C1orf21: variants seen among roughly 807,000 people sequenced by gnomAD.
C1orf21 encodes the protein chromosome 1 open reading frame 21.
Under a neutral mutation model 18.7 loss-of-function variants are expected in C1orf21, and 3 were observed. The observed-to-expected ratio is 0.16, with a 90% CI of 0.07 to 0.42. The LOEUF is 0.42. C1orf21 is among the 10% of genes least tolerant of loss of function. The probability of loss-of-function intolerance (pLI) is 0.99; values close to 1 mark genes in which losing one functional copy is unlikely to be tolerated. For synonymous variants in C1orf21, 41 were observed against 46.4 expected (o/e 0.88, Z 0.47); for missense variants, 104 against 143.6 (o/e 0.72, Z 1.41).
chr1:184,436,537 G>A (rs1015523408), intron 1 of C1orf21, among the ~76,000 whole-genome samples: 9 of 151,976 alleles, frequency 5.9e-5, no homozygotes, highest in African/African-American at 1.7e-4. Context: ...GCCCCCAGGA[G>A]CCCTTGACAT....
intron 3 of C1orf21, among the ~76,000 whole-genome samples, chr1:184,561,974 A>G (rs1327359136): frequency 6.6e-6 from 1 of 151,670 alleles, no homozygotes; most frequent in Non-Finnish European, 1.5e-5. Flanking sequence ...AAAATTATCT[A>G]AGATCATTTT....
At chr1:184,449,676 A>G (rs1657091546) in intron 1 of C1orf21, among the ~76,000 whole-genome samples, 1 of 152,192 alleles carries the variant, frequency 6.6e-6, no homozygotes, top group Non-Finnish European at 1.5e-5. Flanking sequence ...CAGGAAATAT[A>G]ATTTAAGTCT....
intron 1 of C1orf21, among the ~76,000 whole-genome samples, chr1:184,399,501 T>C (rs1656115631): frequency 1.3e-5 from 2 of 151,920 alleles, no homozygotes; most frequent in South Asian, 2.1e-4. Flanking sequence ...TAGCTGGGAC[T>C]ATAGGTGTAT....
chr1:184,551,861 G>A (rs1042359335), intron 3 of C1orf21, among the ~76,000 whole-genome samples: 3 of 151,768 alleles, frequency 2.0e-5, no homozygotes, highest in African/African-American at 4.8e-5. Flanking sequence ...AAAATTAGCC[G>A]GGTGTGGTGG....
At chr1:184,463,068 G>A (rs1468743333) in intron 1 of C1orf21, among the ~76,000 whole-genome samples, 1 of 129,118 alleles carries the variant, frequency 7.7e-6, no homozygotes, top group African/African-American at 3.1e-5. Flanking sequence ...GGCGACACGA[G>A]CAAGACTCCA....
chr1:184,536,283 G>A (rs1658552019), intron 3 of C1orf21, among the ~76,000 whole-genome samples: 1 of 152,150 alleles, frequency 6.6e-6, no homozygotes, highest in Non-Finnish European at 1.5e-5. Flanking sequence ...AGAGCTGGGT[G>A]GGAACTTCAT....
At position 184,551,244 on chromosome 1, in the gene C1orf21, T is replaced by A. The variant is rs540182764; in HGVS notation, c.190-39495T>A. Among the ~76,000 whole-genome samples, 4 of 152,256 alleles carry A rather than the reference T, an allele frequency of 2.6e-5. No homozygotes were observed. The East Asian group carries it at 7.7e-4, about 29-fold the overall frequency. On this transcript the variant is annotated intron_variant, in intron 3 of 5. Coordinates refer to ENST00000235307, the MANE Select transcript of C1orf21 (RefSeq NM_030806.4). ...GAACTATGTGTGTATTTTTTTTAAA[T>A]CATGTTTTTAAAAAATCCAGGAGAA... is the stretch of plus-strand genomic sequence containing the variant.
At chr1:184,529,441 A>T (rs911812664) in intron 3 of C1orf21, among the ~76,000 whole-genome samples, 1 of 152,224 alleles carries the variant, frequency 6.6e-6, no homozygotes, top group Non-Finnish European at 1.5e-5. Context: ...AGAACAATCA[A>T]ACTTCTTGGC....
intron 3 of C1orf21, among the ~76,000 whole-genome samples, chr1:184,524,930 A>T (rs1034980939): frequency 2.6e-5 from 4 of 152,136 alleles, no homozygotes; most frequent in African/African-American, 4.8e-5. Flanking sequence ...ATATTTTCAT[A>T]GCTTACTTCT....
intron 1 of C1orf21, among the ~76,000 whole-genome samples, chr1:184,407,332 G>A (rs1270172574): frequency 6.6e-6 from 1 of 152,046 alleles, no homozygotes; most frequent in Non-Finnish European, 1.5e-5. Context: ...ACTAACTGTG[G>A]CTAAAACATT....
intron 1 of C1orf21, among the ~76,000 whole-genome samples, chr1:184,388,898 C>T (rs2102054876): frequency 6.6e-6 from 1 of 152,076 alleles, no homozygotes. Context: ...TGGAGTTTTC[C>T]CCCCTTTTTC....
chr1:184,568,404 C>T (rs1319986059), intron 3 of C1orf21: 1 of 469,964 alleles, frequency 2.1e-6, no homozygotes, highest in Non-Finnish European at 4.4e-6. Flanking sequence ...CAGTCACTGG[C>T]AACCACCATT....
At chr1:184,428,917 G>C (rs967510853) in intron 1 of C1orf21, among the ~76,000 whole-genome samples, 1 of 152,096 alleles carries the variant, frequency 6.6e-6, no homozygotes, top group Non-Finnish European at 1.5e-5. Context: ...AAAGGATCTG[G>C]TCAGGAAAAT....
At chr1:184,590,637 G>A (rs1419859864) in intron 3 of C1orf21, 102 bp from the exon 4 acceptor site, 1 of 1,154,134 alleles carries the variant, frequency 8.7e-7, no homozygotes, top group East Asian at 2.4e-5. Flanking sequence ...CCGTAGTATA[G>A]GGCCCCAAAC....
chr1:184,449,872 G>A (rs1304573725), intron 1 of C1orf21, among the ~76,000 whole-genome samples: 4 of 152,154 alleles, frequency 2.6e-5, no homozygotes, highest in Non-Finnish European at 4.4e-5. Context: ...GTAACACCAC[G>A]CCAGGTTCAG....
At chr1:184,394,306 T>A (rs1319421099) in intron 1 of C1orf21, among the ~76,000 whole-genome samples, 1 of 152,198 alleles carries the variant, frequency 6.6e-6, no homozygotes, top group Non-Finnish European at 1.5e-5. Context: ...ACTGCAGCAG[T>A]TTCAGTTCAT....
chr1:184,447,998 C>A (rs1177005016), intron 1 of C1orf21, among the ~76,000 whole-genome samples: 2 of 152,188 alleles, frequency 1.3e-5, no homozygotes, highest in Non-Finnish European at 2.9e-5. Context: ...CTTATATATT[C>A]ATTCTACCTA....
chr1:184,481,824 C>T (rs1430004657), intron 2 of C1orf21, among the ~76,000 whole-genome samples: 1 of 152,132 alleles, frequency 6.6e-6, no homozygotes, highest in Non-Finnish European at 1.5e-5. Context: ...TTTTCTAGCC[C>T]TGCAGGGCTC....
intron 3 of C1orf21, among the ~76,000 whole-genome samples, chr1:184,530,167 A>G (rs1269075246): frequency 6.6e-6 from 1 of 152,210 alleles, no homozygotes; most frequent in Admixed American, 6.5e-5. Context: ...TATCCCATAC[A>G]TGCTCTATTC....
Sources: gnomAD v4.1 joint callset for allele counts (sites outside exome capture counted in the v4.1 genomes callset) on GRCh38, gnomAD v4.1.1 for gene constraint, MANE v1.5 for transcripts, NCBI Gene and HGNC (gene_info 2026-07-23, HGNC 2026-07-21) for gene names.